The following CSNK1G3 variants were observed in gnomAD, a reference collection of about 807,000 sequenced individuals.
CSNK1G3 encodes the protein casein kinase 1 gamma 3.
A neutral mutation model predicts 64.3 loss-of-function variants in CSNK1G3; 23 were observed. The observed-to-expected ratio is 0.36, with a 90% CI of 0.26 to 0.51. The LOEUF (loss-of-function observed/expected upper bound fraction) is 0.51. Among genes scored for constraint, CSNK1G3 ranks in the 20% least tolerant of loss-of-function variants. The pLI is 0.96. For synonymous variants in CSNK1G3, 158 were observed against 162.2 expected, an observed-to-expected ratio of 0.97 and a Z score of 0.20; for missense variants, 357 against 510.5, an observed-to-expected ratio of 0.70 and a Z score of 2.90.
At chr5:123,561,408 G>A (rs1785681834) in intron 4 of CSNK1G3, among the ~76,000 whole-genome samples, 1 of 152,128 alleles carries the variant, frequency 6.6e-6, no homozygotes, top group Non-Finnish European at 1.5e-5. Flanking sequence ...CTACTCCATT[G>A]GATATAAATA....
chr5:123,550,959 C>T (rs1453388297), intron 2 of CSNK1G3, among the ~76,000 whole-genome samples: 2 of 152,128 alleles, frequency 1.3e-5, no homozygotes, highest in Non-Finnish European at 2.9e-5. Flanking sequence ...AAAAGATGAT[C>T]CTTTTAGGAT....
At chr5:123,568,020 G>T (rs1009008654) in intron 4 of CSNK1G3, among the ~76,000 whole-genome samples, 3 of 152,194 alleles carry the variant, frequency 2.0e-5, no homozygotes, top group Admixed American at 2.0e-4. Context: ...TGAAGAAGTA[G>T]TAGTTGGTTG....
At chr5:123,608,162 C>T (rs1795695005) in intron 12 of CSNK1G3, among the ~76,000 whole-genome samples, 1 of 152,122 alleles carries the variant, frequency 6.6e-6, no homozygotes, top group Non-Finnish European at 1.5e-5. Context: ...TAGGGACCTG[C>T]TTAGAATTTT....
At chr5:123,610,148 A>G (rs1796066984) in intron 12 of CSNK1G3, among the ~76,000 whole-genome samples, 1 of 152,118 alleles carries the variant, frequency 6.6e-6, no homozygotes, top group Non-Finnish European at 1.5e-5. Flanking sequence ...GGTTGGAGTA[A>G]TTTTGTAGAT....
intron 12 of CSNK1G3, among the ~76,000 whole-genome samples, chr5:123,609,656 A>G (rs1249608768): frequency 6.6e-6 from 1 of 152,214 alleles, no homozygotes; most frequent in Non-Finnish European, 1.5e-5. Context: ...AGTGGAAAGA[A>G]GAGCATGTGC....
intron 10 of CSNK1G3, among the ~76,000 whole-genome samples, chr5:123,601,241 G>C (rs1471451617): frequency 1.3e-5 from 2 of 152,118 alleles, no homozygotes; most frequent in African/African-American, 4.8e-5. Flanking sequence ...ATTATTTACA[G>C]TAGTATATCT....
At chr5:123,551,188 A>G (rs970890398) in intron 2 of CSNK1G3, among the ~76,000 whole-genome samples, 1 of 152,186 alleles carries the variant, frequency 6.6e-6, no homozygotes, top group Non-Finnish European at 1.5e-5. Flanking sequence ...TTGGAACTCA[A>G]AACCAGAATT....
chr5:123,581,362 T>A (rs1181871277), intron 6 of CSNK1G3, among the ~76,000 whole-genome samples: 11 of 27,914 alleles, frequency 3.9e-4, no homozygotes, highest in Non-Finnish European at 7.9e-4. Flanking sequence ...TTGGGTTTGT[T>A]TTTTTTTTTT....
intron 4 of CSNK1G3, among the ~76,000 whole-genome samples, chr5:123,566,403 A>T (rs1427149841): frequency 6.6e-6 from 1 of 152,242 alleles, no homozygotes; most frequent in African/African-American, 2.4e-5. Flanking sequence ...TTTTTATATT[A>T]GTATCAAATA....
intron 1 of CSNK1G3, among the ~76,000 whole-genome samples, chr5:123,524,376 T>C (rs1778669204): frequency 6.6e-6 from 1 of 152,224 alleles, no homozygotes; most frequent in Non-Finnish European, 1.5e-5. Flanking sequence ...TTACATAATT[T>C]TACCTTTGCA....
At chr5:123,516,689 A>C (rs1180723251) in intron 1 of CSNK1G3, among the ~76,000 whole-genome samples, 1 of 152,202 alleles carries the variant, frequency 6.6e-6, no homozygotes, top group Non-Finnish European at 1.5e-5. Flanking sequence ...GATATATTAC[A>C]TAGTTGTAAT....
intron 4 of CSNK1G3, among the ~76,000 whole-genome samples, chr5:123,567,711 C>T (rs144600377): frequency 1.2e-4 from 19 of 152,158 alleles, no homozygotes; most frequent in African/African-American, 4.1e-4. Flanking sequence ...CAGTTATCGC[C>T]AAAGATAGTC....
At chr5:123,522,810 A>G (rs1778362360) in intron 1 of CSNK1G3, among the ~76,000 whole-genome samples, 1 of 152,156 alleles carries the variant, frequency 6.6e-6, no homozygotes, top group African/African-American at 2.4e-5. Context: ...AATTGTACTT[A>G]GCATCCTTAG....
At chr5:123,559,890 T>C (rs1785347964) in intron 4 of CSNK1G3, among the ~76,000 whole-genome samples, 1 of 152,106 alleles carries the variant, frequency 6.6e-6, no homozygotes, top group Admixed American at 6.6e-5. Context: ...AACGGGCTAT[T>C]TAGAGTAACT....
intron 1 of CSNK1G3, among the ~76,000 whole-genome samples, chr5:123,533,252 A>G (rs1780231723): frequency 6.6e-6 from 1 of 151,772 alleles, no homozygotes; most frequent in Non-Finnish European, 1.5e-5. Context: ...TTAACAGCTG[A>G]GCTTCTGTCA....
At chr5:123,580,740 T>C (rs1189336481) in intron 6 of CSNK1G3, among the ~76,000 whole-genome samples, 2 of 152,016 alleles carry the variant, frequency 1.3e-5, no homozygotes. Flanking sequence ...TTATGTCTTC[T>C]CTTGTTGAAG....
intron 4 of CSNK1G3, among the ~76,000 whole-genome samples, chr5:123,564,812 C>A (rs1384919803): frequency 6.6e-6 from 1 of 152,056 alleles, no homozygotes; most frequent in Non-Finnish European, 1.5e-5. Context: ...ATATTGTGGT[C>A]TTTTAATGGA....
chr5:123,562,091 A>G (rs1445786663), intron 4 of CSNK1G3, among the ~76,000 whole-genome samples: 1 of 152,062 alleles, frequency 6.6e-6, no homozygotes, highest in Non-Finnish European at 1.5e-5. Context: ...TTTTAGTTGC[A>G]CTACACTTAC....
At chr5:123,583,643 C>T (rs1205081844) in intron 6 of CSNK1G3, among the ~76,000 whole-genome samples, 2 of 151,966 alleles carry the variant, frequency 1.3e-5, no homozygotes, top group Non-Finnish European at 2.9e-5. Flanking sequence ...GGATTACAGG[C>T]GTGAGCCACC....
Sources: gnomAD v4.1 joint callset for allele counts (sites outside exome capture counted in the v4.1 genomes callset) on GRCh38, gnomAD v4.1.1 for gene constraint, MANE v1.5 for transcripts, NCBI Gene and HGNC (gene_info 2026-07-23, HGNC 2026-07-21) for gene names.